ADAMTS18: variants seen among roughly 807,000 people sequenced by gnomAD.
The protein encoded by ADAMTS18 is ADAM metallopeptidase with thrombospondin type 1 motif 18.
Under a neutral mutation model 165.9 loss-of-function variants are expected in ADAMTS18, and 157 were observed. That is an observed-to-expected ratio of 0.95 (90% CI 0.83 to 1.08). The LOEUF (loss-of-function observed/expected upper bound fraction) is 1.08. Ranked by LOEUF, ADAMTS18 falls within the 50% of genes least tolerant of loss-of-function variation. The pLI is 0.00. For missense variants in ADAMTS18, 2,040 were observed against 1,534.0 expected, an observed-to-expected ratio of 1.33 and a Z score of -5.51; for synonymous variants, 782 against 578.2, an observed-to-expected ratio of 1.35 and a Z score of -5.06.
chr16:77,298,877 C>G (rs1269058844), intron 17 of ADAMTS18, among the ~76,000 whole-genome samples: 1 of 152,224 alleles, frequency 6.6e-6, no homozygotes, highest in Admixed American at 6.5e-5. Context: ...AATTCTTTTT[C>G]TCTTGGACAC....
At chr16:77,322,509 C>T (rs779328883) in intron 13 of ADAMTS18, 43 bp from the exon 14 acceptor site, 1 of 1,607,922 alleles carries the variant, frequency 6.2e-7, no homozygotes, top group East Asian at 2.2e-5. Context: ...CAAGAGGAAA[C>T]TAAGGAAAAA....
At chr16:77,380,520 C>T (rs1335602827) in intron 3 of ADAMTS18, among the ~76,000 whole-genome samples, 3 of 152,074 alleles carry the variant, frequency 2.0e-5, no homozygotes, top group Admixed American at 6.5e-5. Flanking sequence ...AGAGTATGTA[C>T]CTCTAAGAAA....
chr16:77,304,178 C>T (rs2055640730), intron 16 of ADAMTS18, among the ~76,000 whole-genome samples: 1 of 152,084 alleles, frequency 6.6e-6, no homozygotes. Flanking sequence ...GCGAAGAAGA[C>T]ACAAAGCAAC....
At chr16:77,297,140 C>G in intron 18 of ADAMTS18, 149 bp downstream of exon 18, 1 of 1,193,732 alleles carries the variant, frequency 8.4e-7, no homozygotes. Context: ...ATGCCTAGCT[C>G]ATCATCTTCT....
At chr16:77,320,625 C>G (rs78194045) in intron 15 of ADAMTS18, among the ~76,000 whole-genome samples, 13,679 of 102,968 alleles carry the variant, frequency 0.13, 823 homozygotes, top group East Asian at 0.34. Flanking sequence ...GGTGACAGAG[C>G]AAGACTCTGT....
intron 3 of ADAMTS18, among the ~76,000 whole-genome samples, chr16:77,413,537 T>C (rs758089970): frequency 1.3e-5 from 2 of 152,248 alleles, no homozygotes; most frequent in Non-Finnish European, 2.9e-5. Context: ...AATTTATTTT[T>C]GAATGCCCAC....
chr16:77,381,665 A>G (rs918906481), intron 3 of ADAMTS18, among the ~76,000 whole-genome samples: 1 of 152,040 alleles, frequency 6.6e-6, no homozygotes, highest in South Asian at 2.1e-4. Flanking sequence ...AGCCAGCTGT[A>G]GTGACGCACG....
Position 77,421,196 on chromosome 16 carries a change from G to A in ADAMTS18, c.495+10099C>T, listed in dbSNP as rs143755009. Among the ~76,000 whole-genome samples the A allele has an allele frequency of 2.7e-3, 417 of 152,292 alleles. 1 individual carries two copies. The highest frequency in any genetic ancestry group is 3.6e-3 in the Non-Finnish European group (242 of 68,026). On this transcript the variant is annotated intron_variant, in intron 3 of 22. Transcript: ENST00000282849. ...CAATCAAAGGAATTCAGCTGAAAAC[G>A]AAATCCTTAGATACATCAAAAGCAT...
At chr16:77,341,360 T>C (rs1451713814) in intron 11 of ADAMTS18, among the ~76,000 whole-genome samples, 1 of 152,106 alleles carries the variant, frequency 6.6e-6, no homozygotes, top group Non-Finnish European at 1.5e-5. Flanking sequence ...ATTTCTTGAC[T>C]AACAAGACAT....
intron 3 of ADAMTS18, among the ~76,000 whole-genome samples, chr16:77,371,164 G>GA (rs1176295081): frequency 6.6e-6 from 1 of 151,812 alleles, no homozygotes; most frequent in East Asian, 1.9e-4. Context: ...GCAGTGGGCC[G>GA]AAATCATTCT....
intron 4 of ADAMTS18, among the ~76,000 whole-genome samples, chr16:77,366,314 T>C (rs1044311445): frequency 6.6e-6 from 1 of 152,178 alleles, no homozygotes; most frequent in Non-Finnish European, 1.5e-5. Flanking sequence ...ATGCTAACAA[T>C]TGGGAGACCG....
intron 8 of ADAMTS18, among the ~76,000 whole-genome samples, chr16:77,356,739 G>A (rs1567508996): frequency 6.6e-6 from 1 of 151,958 alleles, no homozygotes; most frequent in Non-Finnish European, 1.5e-5. Context: ...ATCACAGAAG[G>A]GTCTAGTAAT....
intron 11 of ADAMTS18, among the ~76,000 whole-genome samples, chr16:77,337,094 C>G (rs928479707): frequency 9.2e-5 from 14 of 152,204 alleles, no homozygotes; most frequent in African/African-American, 3.4e-4. Flanking sequence ...TCTTCAAATT[C>G]TTGCCATGTG....
chr16:77,411,946 CA>C (rs1185929990), intron 3 of ADAMTS18, among the ~76,000 whole-genome samples: 1 of 151,864 alleles, frequency 6.6e-6, no homozygotes, highest in East Asian at 1.9e-4. Context: ...CTTAGCCTCC[CA>C]AAAGCACTGG....
Position 77,293,226 on chromosome 16 carries a change from C to A in ADAMTS18, c.3039G>T (p.Lys1013Asn), listed in dbSNP as rs1317131011. The part of the protein sequence containing the change: ...CSKTCGRGVR[K>N]RELLCKGSAA... ...CAGAGCCCTTGCAGAGGAGTTCACG[C>A]TTCCTCACCCCTCGTCCACAGGTCT... The change falls in exon 20 of 23, where the codon AAG (lysine) becomes AAT (asparagine). Residue 1013 changes from lysine (K) to asparagine (N), a missense_variant. By Grantham distance (94) the Lys-to-Asn change is moderately conservative. Transcript: ENST00000282849. 2 of 1,613,900 alleles carry A rather than the reference C, an allele frequency of 1.2e-6. No homozygotes were observed. Among genetic ancestry groups the A allele is most frequent in the Non-Finnish European group, 1.7e-6 (2 of 1,179,960 alleles).
intron 16 of ADAMTS18, among the ~76,000 whole-genome samples, chr16:77,317,828 A>C (rs542914090): frequency 6.6e-6 from 1 of 152,296 alleles, no homozygotes; most frequent in South Asian, 2.1e-4. Context: ...TGTTCAAAGA[A>C]TTATCCAGGC....
chr16:77,344,147 G>GTATACATACATATATATGTA (rs2056440565), intron 10 of ADAMTS18, among the ~76,000 whole-genome samples: 1 of 130,030 alleles, frequency 7.7e-6, no homozygotes, highest in Non-Finnish European at 1.7e-5. Context: ...ATATATGTAT[G>GTATACATACATATATATGTA]TGTGTGTGTA....
At chr16:77,290,240 A>G (rs372678904) in intron 21 of ADAMTS18, among the ~76,000 whole-genome samples, 2 of 152,176 alleles carry the variant, frequency 1.3e-5, no homozygotes, top group East Asian at 1.9e-4. Context: ...CTGTATAGGC[A>G]TACGGCCTCT....
At chr16:77,380,769 G>C (rs548255535) in intron 3 of ADAMTS18, among the ~76,000 whole-genome samples, 5 of 152,104 alleles carry the variant, frequency 3.3e-5, no homozygotes, top group African/African-American at 1.2e-4. Flanking sequence ...ACCCATCTGG[G>C]GGTCAGTGGT....
Sources: gnomAD v4.1 joint callset for allele counts (sites outside exome capture counted in the v4.1 genomes callset) on GRCh38, gnomAD v4.1.1 for gene constraint, MANE v1.5 for transcripts, NCBI Gene and HGNC (gene_info 2026-07-23, HGNC 2026-07-21) for gene names.